Variants in FSHR observed in about 807,000 individuals in gnomAD.
The protein encoded by FSHR is follicle-stimulating hormone receptor.
FSHR carries 46 observed loss-of-function variants against 52.1 expected under a neutral mutation model. The observed-to-expected ratio is 0.88, with a 90% CI of 0.70 to 1.13. The LOEUF (loss-of-function observed/expected upper bound fraction) is 1.13. Among genes scored for constraint, FSHR ranks in the 50% most tolerant of loss-of-function variants. FSHR has a pLI of 0.00. For synonymous variants in FSHR, 399 were observed against 309.6 expected (o/e 1.29, Z -3.03); for missense variants, 964 against 834.6 (o/e 1.16, Z -1.91).
intron 2 of FSHR, among the ~76,000 whole-genome samples, chr2:49,038,378 T>C (rs1196797113): frequency 6.6e-6 from 1 of 151,880 alleles, no homozygotes; most frequent in Non-Finnish European, 1.5e-5. Context: ...TCCCAGTACT[T>C]TGGGAGGCCA....
intron 1 of FSHR, among the ~76,000 whole-genome samples, chr2:49,119,885 C>T (rs1419367190): frequency 6.6e-6 from 1 of 152,192 alleles, no homozygotes; most frequent in Admixed American, 6.5e-5. Context: ...ATAGTCTCTA[C>T]ATTGTAGGGT....
chr2:49,082,698 G>T (rs1315537076), intron 1 of FSHR, among the ~76,000 whole-genome samples: 1 of 152,194 alleles, frequency 6.6e-6, no homozygotes, highest in African/African-American at 2.4e-5. Flanking sequence ...CGTGAAGAAT[G>T]CAGAAGCCTC....
In FSHR at chr2:49,013,871, C is replaced by A. The variant is rs372223632; in HGVS notation, c.374+3618G>T. ...GAAGGTGATTAGAGTTAGATAAGAT[C>A]ATCAGGGCAAGACCCTCACAATAGG... On this transcript the variant is annotated intron_variant, in intron 4 of 9. Coordinates refer to ENST00000406846, the MANE Select transcript of FSHR (RefSeq NM_000145.4). 7.9e-5 allele frequency among the ~76,000 whole-genome samples: 12 copies of A among 152,130 alleles called. No homozygotes were observed. In the East Asian group the frequency reaches 1.9e-3, roughly 25 times the overall value.
At chr2:49,079,228 T>A (rs960593158) in intron 1 of FSHR, among the ~76,000 whole-genome samples, 16 of 151,836 alleles carry the variant, frequency 1.1e-4, no homozygotes, top group Non-Finnish European at 1.8e-4. Flanking sequence ...TGAAAAAAAA[T>A]AAAAACCCTA....
intron 9 of FSHR, among the ~76,000 whole-genome samples, chr2:48,965,785 C>T (rs1227684686): frequency 6.6e-6 from 1 of 152,220 alleles, no homozygotes; most frequent in East Asian, 1.9e-4. Flanking sequence ...AAGTGACCCA[C>T]TGACATGAAG....
chr2:48,968,358 A>AT (rs1279186822), intron 9 of FSHR, among the ~76,000 whole-genome samples: 1 of 152,220 alleles, frequency 6.6e-6, no homozygotes, highest in Non-Finnish European at 1.5e-5. Context: ...TTGGGACTTG[A>AT]AGGATTAAAT....
At chr2:49,138,319 G>T (rs191327131) in intron 1 of FSHR, among the ~76,000 whole-genome samples, 3 of 152,180 alleles carry the variant, frequency 2.0e-5, no homozygotes, top group Admixed American at 2.0e-4. Context: ...ATACCCTAAA[G>T]GATTAAACAC....
At chr2:49,094,073 C>T (rs1670726067) in intron 1 of FSHR, among the ~76,000 whole-genome samples, 1 of 151,968 alleles carries the variant, frequency 6.6e-6, no homozygotes, top group African/African-American at 2.4e-5. Flanking sequence ...TCATTAGTTT[C>T]CTCCTTTCTT....
At chr2:49,003,948 C>T (rs1234130801) in intron 4 of FSHR, among the ~76,000 whole-genome samples, 2 of 152,156 alleles carry the variant, frequency 1.3e-5, no homozygotes. Flanking sequence ...AATTGCAAAT[C>T]TAAAAGGGTC....
intron 1 of FSHR, among the ~76,000 whole-genome samples, chr2:49,071,242 A>AAAACAC (rs1669715159): frequency 6.6e-6 from 1 of 152,192 alleles, no homozygotes; most frequent in African/African-American, 2.4e-5. Context: ...CCCAGGGAGG[A>AAAACAC]AAACACAAAT....
At chr2:49,072,594 A>T (rs1669777982) in intron 1 of FSHR, among the ~76,000 whole-genome samples, 1 of 152,172 alleles carries the variant, frequency 6.6e-6, no homozygotes, top group Non-Finnish European at 1.5e-5. Context: ...ACATTGGTAA[A>T]ATGAAAGACT....
intron 1 of FSHR, among the ~76,000 whole-genome samples, chr2:49,114,360 C>T (rs1426018173): frequency 2.0e-5 from 3 of 152,274 alleles, no homozygotes; most frequent in Non-Finnish European, 4.4e-5. Context: ...AATACTCTCC[C>T]AATGCATTGC....
intron 2 of FSHR, among the ~76,000 whole-genome samples, chr2:49,061,619 T>A (rs950466749): frequency 1.1e-5 from 1 of 92,854 alleles, no homozygotes; most frequent in African/African-American, 4.7e-5. Flanking sequence ...TTTAGATATA[T>A]AAAAATACAT....
At chr2:49,013,311 G>T (rs1359252515) in intron 4 of FSHR, among the ~76,000 whole-genome samples, 1 of 151,546 alleles carries the variant, frequency 6.6e-6, no homozygotes, top group Non-Finnish European at 1.5e-5. Flanking sequence ...GGTAGCCCAA[G>T]CTAACTAGTG....
chr2:49,082,611 G>A (rs1340401194), intron 1 of FSHR, among the ~76,000 whole-genome samples: 1 of 152,058 alleles, frequency 6.6e-6, no homozygotes, highest in African/African-American at 2.4e-5. Context: ...AAATTTAGAA[G>A]AATGTATAAC....
chr2:49,002,672 C>A (rs768305357), intron 4 of FSHR, among the ~76,000 whole-genome samples: 44 of 152,062 alleles, frequency 2.9e-4, no homozygotes, highest in Admixed American at 1.1e-3. Flanking sequence ...GATTCAACTA[C>A]CTCCCATGAA....
chr2:48,979,805 T>TTTTGTG (rs1553430622), intron 8 of FSHR, among the ~76,000 whole-genome samples: 19 of 150,106 alleles, frequency 1.3e-4, no homozygotes, highest in African/African-American at 4.3e-4. Context: ...ATCACAGTCT[T>TTTTGTG]TGTGTGTGTG....
intron 1 of FSHR, among the ~76,000 whole-genome samples, chr2:49,088,587 T>C (rs763816378): frequency 6.6e-6 from 1 of 152,232 alleles, no homozygotes; most frequent in African/African-American, 2.4e-5. Context: ...GACAAACGCA[T>C]TGTGCCTCTA....
intron 1 of FSHR, among the ~76,000 whole-genome samples, chr2:49,126,610 A>G (rs1672005212): frequency 6.6e-6 from 1 of 152,154 alleles, no homozygotes; most frequent in Non-Finnish European, 1.5e-5. Flanking sequence ...CAGTTATAGT[A>G]ATTTTCAGGG....
Sources: allele counts gnomAD v4.1 joint callset (sites outside exome capture counted in the v4.1 genomes callset), GRCh38; gene constraint gnomAD v4.1.1; transcripts MANE v1.5; gene names NCBI Gene and HGNC (gene_info 2026-07-23, HGNC 2026-07-21).